The following PRMT8 variants were observed in gnomAD, a reference collection of about 807,000 sequenced individuals.
The protein encoded by PRMT8 is protein arginine methyltransferase 8.
Under a neutral mutation model 47.1 loss-of-function variants are expected in PRMT8, and 7 were observed. That is an observed-to-expected ratio of 0.15 (90% confidence interval 0.08 to 0.28). The LOEUF is 0.28. Ranked by LOEUF, PRMT8 falls within the 10% of genes least tolerant of loss-of-function variation. The pLI is 1.00. For synonymous variants in PRMT8, 188 were observed against 186.5 expected (o/e 1.01, Z -0.07); for missense variants, 237 against 505.4 (o/e 0.47, Z 5.09).
At chr12:3,547,974 G>A (rs937383713) in intron 2 of PRMT8, among the ~76,000 whole-genome samples, 1 of 152,144 alleles carries the variant, frequency 6.6e-6, no homozygotes, top group South Asian at 2.1e-4. Flanking sequence ...AAAGAAGTAC[G>A]TTGGCAGACT....
chr12:3,505,186 T>C (rs966623309), intron 1 of PRMT8, among the ~76,000 whole-genome samples: 2 of 152,038 alleles, frequency 1.3e-5, no homozygotes, highest in Non-Finnish European at 2.9e-5. Context: ...CTGGGAGCTG[T>C]AGACCGGAGC....
intron 7 of PRMT8, among the ~76,000 whole-genome samples, chr12:3,581,040 A>T (rs1029369072): frequency 6.6e-6 from 1 of 152,114 alleles, no homozygotes; most frequent in Non-Finnish European, 1.5e-5. Context: ...CCCTTGAGGG[A>T]TGTGGTGGAG....
chr12:3,541,015 C>A (rs1027890548), intron 2 of PRMT8, among the ~76,000 whole-genome samples: 3 of 152,188 alleles, frequency 2.0e-5, no homozygotes, highest in African/African-American at 7.2e-5. Flanking sequence ...GTATACTCCA[C>A]AGCCAGAGAG....
rs1446433157 is a variant in PRMT8 at position 3,593,738 on chromosome 12, G to C, written c.*556G>C. 6.3e-6 allele frequency: 1 copy of C among 157,612 alleles called. No homozygotes were observed. Among genetic ancestry groups the C allele is most frequent in the Non-Finnish European group, 1.4e-5 (1 of 71,780 alleles). 9.8% of individuals were successfully genotyped at this position (157,612 alleles called of 1,614,324 possible). On this transcript the variant is annotated 3_prime_UTR_variant, in exon 10 of 10. Coordinates refer to ENST00000382622, the MANE Select transcript of PRMT8 (RefSeq NM_019854.5). This position sits in a 1 kb window ranked among gnomAD's most constrained non-coding sequence, Gnocchi z 4.8. Reference sequence around the variant, plus strand: ...TGTTCTCTCAGAGGGGTGTGTGTGTGTGTGCGTGCGCGTGTGCCTAGAATA... The same window carrying C: ...TGTTCTCTCAGAGGGGTGTGTGTGTCTGTGCGTGCGCGTGTGCCTAGAATA...
At chr12:3,582,072 T>C (rs1157621639) in intron 7 of PRMT8, among the ~76,000 whole-genome samples, 2 of 152,082 alleles carry the variant, frequency 1.3e-5, no homozygotes, top group African/African-American at 4.8e-5. Context: ...TCTTACAGAG[T>C]TTTCAGGACA....
chr12:3,478,813 T>G (rs1865243953), intron 1 of PRMT8, among the ~76,000 whole-genome samples: 1 of 152,264 alleles, frequency 6.6e-6, no homozygotes, highest in South Asian at 2.1e-4. Context: ...GCTGCCCTCC[T>G]GGGGCCTGAG....
chr12:3,402,549 A>G (rs1252379254), intron 1 of PRMT8, among the ~76,000 whole-genome samples: 3 of 152,262 alleles, frequency 2.0e-5, no homozygotes, highest in Non-Finnish European at 4.4e-5. Context: ...ACAGAATGGG[A>G]GAAAATGTTT....
rs1591605105 is a variant in PRMT8, at chr12:3,564,279, A to G, written c.482-4427A>G. 6.6e-6 allele frequency among the ~76,000 whole-genome samples: 1 copy of G among 152,220 alleles called. No homozygotes were observed. Among genetic ancestry groups the G allele is most frequent in the East Asian group, 1.9e-4 (1 of 5,180 alleles). ...CATGCCTCCTCTTGTGTGGCACAGG[A>G]CCTGCTCTCTGAAAGAGTGAGGACC... On this transcript the variant is annotated intron_variant, in intron 4 of 9. Coordinates refer to ENST00000382622, the MANE Select transcript of PRMT8 (RefSeq NM_019854.5). This position sits in a 1 kb window ranked among gnomAD's most constrained non-coding sequence, Gnocchi z 4.0.
rs1866949822 is a variant in PRMT8 at position 3,576,657 on chromosome 12, G to A, written c.713-214G>A. Among the ~76,000 whole-genome samples, 1 of 152,140 alleles carries A rather than the reference G, an allele frequency of 6.6e-6. No homozygotes were observed. The highest frequency in any genetic ancestry group is 6.5e-5 in the Admixed American group (1 of 15,284). On this transcript the variant is annotated intron_variant, in intron 6 of 9. Transcript: ENST00000382622. This position sits in a 1 kb window ranked among gnomAD's most constrained non-coding sequence, Gnocchi z 4.0. ...CTCTAGTTTACCTAACAACAAAGTG[G>A]GACTTACCTTTTCCCGAGGTAGAAA...
intron 1 of PRMT8, among the ~76,000 whole-genome samples, chr12:3,536,083 C>T (rs936746385): frequency 1.3e-5 from 2 of 152,182 alleles, no homozygotes; most frequent in Non-Finnish European, 2.9e-5. Context: ...AATTTGCCTG[C>T]ATAGGATCCA....
rs143711260 is a variant in PRMT8 at position 3,559,078 on chromosome 12, G to A, written c.481+5364G>A. 7.9e-5 allele frequency among the ~76,000 whole-genome samples: 12 copies of A among 151,986 alleles called. No individual in the cohort carries two copies. In the East Asian group the frequency reaches 9.7e-4, roughly 12 times the overall value. On this transcript the variant is annotated intron_variant, in intron 4 of 9. Transcript: ENST00000382622. Reference sequence around the variant, plus strand: ...CCAGCCAGCCAGCCAGACAGCCAGCGTTCATCCATCTACTGATCTGTCCAT... The same window carrying A: ...CCAGCCAGCCAGCCAGACAGCCAGCATTCATCCATCTACTGATCTGTCCAT...
intron 1 of PRMT8, chr12:3,462,638 T>C (rs1298072765): frequency 6.6e-6 from 1 of 152,042 alleles, no homozygotes; most frequent in Non-Finnish European, 1.5e-5. Flanking sequence ...GAAAGCTCTT[T>C]ACTTTTTGCA....
intron 1 of PRMT8, among the ~76,000 whole-genome samples, chr12:3,468,121 A>G (rs1442394387): frequency 3.9e-5 from 6 of 152,216 alleles, no homozygotes; most frequent in Non-Finnish European, 7.3e-5. Flanking sequence ...AGGGCCTTCG[A>G]AAGAACTTAG....
intron 1 of PRMT8, among the ~76,000 whole-genome samples, chr12:3,421,963 G>GC: frequency 6.6e-6 from 1 of 152,166 alleles, no homozygotes; most frequent in East Asian, 1.9e-4. Flanking sequence ...GGGCAGCATG[G>GC]CCCCCCTCCT....
chr12:3,469,287 G>GC (rs1865136366), intron 1 of PRMT8: 1 of 434,226 alleles, frequency 2.3e-6, no homozygotes, highest in Non-Finnish European at 4.5e-6. Flanking sequence ...CCCCACCAAA[G>GC]CCCATGTAAG....
intron 4 of PRMT8, among the ~76,000 whole-genome samples, chr12:3,562,505 C>T (rs558343707): frequency 1.3e-4 from 20 of 151,860 alleles, no homozygotes; most frequent in Non-Finnish European, 2.8e-4. Context: ...AAACTGTGAA[C>T]GTGCTTAGAA....
At chr12:3,474,381 C>T (rs1471416803) in intron 1 of PRMT8, among the ~76,000 whole-genome samples, 5 of 152,132 alleles carry the variant, frequency 3.3e-5, no homozygotes, top group South Asian at 2.1e-4. Flanking sequence ...CACACTTTTG[C>T]GCCTTTGTTC....
chr12:3,495,530 T>G (rs1435615533), intron 1 of PRMT8, among the ~76,000 whole-genome samples: 1 of 152,238 alleles, frequency 6.6e-6, no homozygotes, highest in Non-Finnish European at 1.5e-5. Flanking sequence ...GCTTCCCAGA[T>G]CTGCCATTTA....
At chr12:3,399,564 C>T (rs1864296883) in intron 1 of PRMT8, among the ~76,000 whole-genome samples, 1 of 152,128 alleles carries the variant, frequency 6.6e-6, no homozygotes, top group Non-Finnish European at 1.5e-5. Flanking sequence ...CTCTTGTGTA[C>T]AGAAAACCAT....
Sources: allele counts gnomAD v4.1 joint callset (sites outside exome capture counted in the v4.1 genomes callset), GRCh38; gene constraint gnomAD v4.1.1; non-coding constraint Gnocchi (gnomAD v3.1); transcripts MANE v1.5; gene names NCBI Gene and HGNC (gene_info 2026-07-23, HGNC 2026-07-21).